Variants in RNPEP observed in about 807,000 individuals in gnomAD.
RNPEP encodes the protein arginyl aminopeptidase, also known as aminopeptidase B.
A neutral mutation model predicts 70.1 loss-of-function variants in RNPEP; 57 were observed. The ratio of observed to expected loss-of-function variants is 0.81; its 90% CI spans 0.66 to 1.01. The LOEUF is 1.01. Among genes scored for constraint, RNPEP ranks in the 50% least tolerant of loss-of-function variants. RNPEP has a pLI of 0.00. For synonymous variants in RNPEP, 335 were observed against 357.4 expected (o/e 0.94, Z 0.71); for missense variants, 787 against 852.4 (o/e 0.92, Z 0.96).
At chr1:201,991,689 G>T (rs78731485) in intron 3 of RNPEP, among the ~76,000 whole-genome samples, 2,491 of 152,268 alleles carry the variant, frequency 0.016, 135 homozygotes, top group East Asian at 0.13. Context: ...TGCAAATCCA[G>T]TGCTCTTTGC....
chr1:202,001,809 G>A (rs775166724), intron 8 of RNPEP, 42 bp downstream of exon 8: 18 of 1,209,090 alleles, frequency 1.5e-5, no homozygotes, highest in Non-Finnish European at 1.7e-5. Context: ...AAAAATAGTA[G>A]AGAATGAGAT....
Position 202,005,746 on chromosome 1 carries a change from A to G in RNPEP, c.*30A>G. On this transcript the variant is annotated 3_prime_UTR_variant, in exon 11 of 11. Transcript: ENST00000295640. ...TCGTGTGCATGGCCCCTGCCTCTTC[A>G]GGCTCTCCAGGCTTTCAGAATAATT... 1 of 1,607,270 alleles carries G rather than the reference A, an allele frequency of 6.2e-7. No homozygotes were observed. Among genetic ancestry groups the G allele is most frequent in the Non-Finnish European group, 8.5e-7 (1 of 1,174,512 alleles).
At chr1:202,003,038 C>T (rs891822379) in intron 8 of RNPEP, 199 bp from the exon 9 acceptor site, 7 of 559,874 alleles carry the variant, frequency 1.3e-5, no homozygotes, top group East Asian at 8.9e-5. Context: ...CTTTCACGGT[C>T]GAAACGGCAC....
Position 201,997,302 on chromosome 1 carries a change from T to A in RNPEP, c.855-17T>A, listed in dbSNP as rs374885295. On this transcript the variant is annotated splice_polypyrimidine_tract_variant and intron_variant, in intron 4 of 10. Coordinates refer to ENST00000295640, the MANE Select transcript of RNPEP (RefSeq NM_020216.4). ...GGGAAGCCAGGGCCTCTTGGTGACC[T>A]CCCCGCTTCTCGGCAGGTATGACTT... 9 of 1,608,420 alleles carry A rather than the reference T, an allele frequency of 5.6e-6. No individual in the cohort carries two copies. The highest frequency in any genetic ancestry group is 1.3e-5 in the African/African-American group (1 of 74,738).
chr1:202,001,745 A>G lies in RNPEP; in HGVS notation c.1404A>G (p.Lys468=). The G allele has an allele frequency of 6.2e-7, 1 of 1,604,308 alleles. No individual in the cohort carries two copies. The highest frequency in any genetic ancestry group is 8.5e-7 in the Non-Finnish European group (1 of 1,171,060). The change falls in exon 8 of 11, where the codon AAA becomes AAG. Residue 468 remains lysine (K), a synonymous_variant. Transcript: ENST00000295640. ...FYLEYFPELK[K]KRVDIIPGFE... is the part of the protein sequence containing the mutation. The stretch of plus-strand genomic sequence containing the variant: ...TGGAATATTTCCCTGAGCTTAAGAA[A>G]AAGAGAGTGGATATCATTCCAGGTA...
At chr1:201,983,719 G>A (rs889038558) in intron 1 of RNPEP, 133 of 1,141,918 alleles carry the variant, frequency 1.2e-4, no homozygotes, top group Non-Finnish European at 1.4e-4. Flanking sequence ...GGTGCTATAA[G>A]CATTATAATA....
intron 3 of RNPEP, among the ~76,000 whole-genome samples, chr1:201,993,086 T>A (rs535339638): frequency 6.6e-6 from 1 of 152,344 alleles, no homozygotes; most frequent in East Asian, 1.9e-4. Flanking sequence ...TCATCAGATA[T>A]GATTATGTCA....
intron 1 of RNPEP, 140 bp downstream of exon 1, chr1:201,983,253 C>T: frequency 7.0e-7 from 1 of 1,431,824 alleles, no homozygotes; most frequent in South Asian, 1.5e-5. Flanking sequence ...CTACTCCCCG[C>T]GCGCCGCCTC....
At chr1:202,000,868 T>C in intron 6 of RNPEP, 1 of 146,972 alleles carries the variant, frequency 6.8e-6, no homozygotes, top group Non-Finnish European at 1.5e-5. Context: ...CACTCCAGCC[T>C]GGGTGATAGA....
chr1:202,003,184 T>C (rs750887686), intron 8 of RNPEP, 53 bp from the exon 9 acceptor site: 4 of 1,410,952 alleles, frequency 2.8e-6, no homozygotes, highest in Middle Eastern at 2.5e-4. Context: ...TTAAACCAGT[T>C]GACCGTAACC....
At chr1:202,001,209 A>G (rs879698807) in intron 6 of RNPEP, 167 bp from the exon 7 acceptor site, 111 of 606,024 alleles carry the variant, frequency 1.8e-4, no homozygotes, top group Non-Finnish European at 1.9e-4. Flanking sequence ...AGAGAGTCCA[A>G]GATCTGGAGA....
chr1:201,996,306 T>A, intron 4 of RNPEP, 43 bp downstream of exon 4: 1 of 1,325,606 alleles, frequency 7.5e-7, no homozygotes, highest in Non-Finnish European at 1.1e-6. Flanking sequence ...TTAAACTGAG[T>A]CACTGGCTTC....
chr1:201,993,611 A>AG (rs1683422688), intron 3 of RNPEP, among the ~76,000 whole-genome samples: 2 of 128,026 alleles, frequency 1.6e-5, no homozygotes, highest in South Asian at 5.1e-4. Context: ...AAAAGCCAAA[A>AG]CAAAAAAAAA....
intron 1 of RNPEP, chr1:201,983,368 C>T (rs1683011031): frequency 1.3e-6 from 2 of 1,499,060 alleles, no homozygotes; most frequent in East Asian, 2.6e-5. Flanking sequence ...TCCGTCCTTC[C>T]GCGTCTCCTC....
intron 10 of RNPEP, among the ~76,000 whole-genome samples, chr1:202,004,833 G>A (rs3795621): frequency 0.18 from 27,281 of 152,244 alleles, 2,651 homozygotes; most frequent in Non-Finnish European, 0.22. Flanking sequence ...GGCGGAGCAA[G>A]AGGAACAAAG....
At chr1:201,984,577 G>C (rs1038431080) in intron 1 of RNPEP, among the ~76,000 whole-genome samples, 1 of 151,970 alleles carries the variant, frequency 6.6e-6, no homozygotes, top group Non-Finnish European at 1.5e-5. Context: ...TAACACCACT[G>C]CACTCCAGCC....
intron 1 of RNPEP, chr1:201,983,317 T>G (rs774884506): frequency 1.7e-4 from 246 of 1,460,824 alleles, no homozygotes; most frequent in Non-Finnish European, 2.0e-4. Flanking sequence ...GGTTTCCTTC[T>G]GGACTTCCTC....
At chr1:201,991,315 A>C (rs943270576) in intron 3 of RNPEP, among the ~76,000 whole-genome samples, 5 of 152,076 alleles carry the variant, frequency 3.3e-5, no homozygotes, top group Non-Finnish European at 5.9e-5. Context: ...GGGTTTCACT[A>C]TGTTGGCCAG....
At position 201,982,915 on chromosome 1, in the gene RNPEP, C is replaced by T. The variant is rs1453178612; in HGVS notation, c.249C>T (p.His83=). The T allele has an allele frequency of 2.0e-6, 3 of 1,477,274 alleles. No homozygotes were observed. The highest frequency in any genetic ancestry group is 5.1e-5 in the Admixed American group (2 of 39,172). 91.5% of individuals were successfully genotyped at this position (1,477,274 alleles called of 1,614,324 possible). The change falls in exon 1 of 11, where the codon CAC becomes CAT. Residue 83 remains histidine (H), a synonymous_variant. Transcript: ENST00000295640. The stretch of plus-strand genomic sequence containing the variant: ...CCGCCGAGCTGCGGCTGGACTCGCA[C>T]CCGTGCCTGGAGGTGACGGCGGCGG... ...EGAAELRLDS[H]PCLEVTAAAL...
Sources: gnomAD v4.1 joint callset for allele counts (sites outside exome capture counted in the v4.1 genomes callset) on GRCh38, gnomAD v4.1.1 for gene constraint, MANE v1.5 for transcripts, NCBI Gene and HGNC (gene_info 2026-07-23, HGNC 2026-07-21) for gene names.